CA5A: variants seen among roughly 807,000 people sequenced by gnomAD.
CA5A encodes the protein carbonic anhydrase 5A, mitochondrial.
Under a neutral mutation model 37.1 loss-of-function variants are expected in CA5A, and 28 were observed. The observed-to-expected ratio is 0.75, with a 90% CI of 0.56 to 1.03. The LOEUF (loss-of-function observed/expected upper bound fraction) is 1.03. CA5A is among the 50% of genes least tolerant of loss of function. The pLI is 0.00. For synonymous variants in CA5A, 171 were observed against 158.4 expected (o/e 1.08, Z -0.60); for missense variants, 444 against 399.9 (o/e 1.11, Z -0.94).
intron 2 of CA5A, among the ~76,000 whole-genome samples, chr16:87,909,586 G>A (rs62058265): frequency 1.3e-5 from 2 of 152,186 alleles, no homozygotes; most frequent in Non-Finnish European, 2.9e-5. Flanking sequence ...CGGGGCGCAC[G>A]CATTTCAGGA....
chr16:87,892,989 G>A, intron 5 of CA5A: 6 of 1,195,106 alleles, frequency 5.0e-6, no homozygotes, highest in Non-Finnish European at 6.1e-6. Flanking sequence ...GGCCAAGAAG[G>A]ATGTCCACAT....
At chr16:87,897,766 C>A (rs1433620678) in intron 5 of CA5A, among the ~76,000 whole-genome samples, 1 of 152,216 alleles carries the variant, frequency 6.6e-6, no homozygotes, top group Non-Finnish European at 1.5e-5. Flanking sequence ...GCAAGGCCTT[C>A]TCTGCCTCTC....
chr16:87,910,293 C>T (rs2056032312), intron 2 of CA5A, among the ~76,000 whole-genome samples: 2 of 152,316 alleles, frequency 1.3e-5, no homozygotes, highest in Middle Eastern at 3.4e-3. Flanking sequence ...GTTCGCTGGG[C>T]ACCTGCTACC....
chr16:87,898,981 C>T (rs1438004730), intron 5 of CA5A, among the ~76,000 whole-genome samples: 1 of 152,074 alleles, frequency 6.6e-6, no homozygotes, highest in African/African-American at 2.4e-5. Flanking sequence ...GTGATCTATT[C>T]ACCTCAGTCT....
chr16:87,908,989 A>ATTTTTTTTTT (rs60201296), intron 2 of CA5A, among the ~76,000 whole-genome samples: 24 of 139,350 alleles, frequency 1.7e-4, no homozygotes, highest in African/African-American at 6.5e-4. Flanking sequence ...ACACCCGGCT[A>ATTTTTTTTTT]TTTTTTTTTT....
chr16:87,894,988 G>C (rs1419196963), intron 5 of CA5A, among the ~76,000 whole-genome samples: 1 of 152,194 alleles, frequency 6.6e-6, no homozygotes, highest in Non-Finnish European at 1.5e-5. Flanking sequence ...AATGGATCAT[G>C]TCTGTAATCC....
chr16:87,893,365 G>T, intron 5 of CA5A: 1 of 423,820 alleles, frequency 2.4e-6, no homozygotes, highest in South Asian at 1.8e-5. Flanking sequence ...CTGACCTCGT[G>T]ATCTGCCCAC....
At chr16:87,888,480 T>G (rs551932258) in intron 6 of CA5A, among the ~76,000 whole-genome samples, 63 of 152,208 alleles carry the variant, frequency 4.1e-4, no homozygotes, top group African/African-American at 1.4e-3. Context: ...TCACTTGCTC[T>G]GGGGGGAAGC....
intron 3 of CA5A, among the ~76,000 whole-genome samples, chr16:87,903,632 G>A (rs190460867): frequency 3.1e-4 from 47 of 152,244 alleles, no homozygotes; most frequent in Admixed American, 3.9e-4. Context: ...TAAAATGTCC[G>A]GAGGTCACCT....
chr16:87,887,918 GCCA>G, downstream of CA5A: 1 of 595,202 alleles, frequency 1.7e-6, no homozygotes, highest in Non-Finnish European at 2.7e-6. Flanking sequence ...TGCGTTGGGT[GCCA>G]TGGCACACCC....
intron 5 of CA5A, among the ~76,000 whole-genome samples, chr16:87,900,735 T>C (rs2055866557): frequency 6.6e-6 from 1 of 152,230 alleles, no homozygotes; most frequent in African/African-American, 2.4e-5. Flanking sequence ...GGCAGGTTTC[T>C]CTCCGCCCTT....
At chr16:87,932,793 G>C (rs547890496) in intron 1 of CA5A, among the ~76,000 whole-genome samples, 12 of 152,182 alleles carry the variant, frequency 7.9e-5, no homozygotes, top group Admixed American at 2.0e-4. Flanking sequence ...TCAGTCTCCA[G>C]GTTTGATGGT....
At chr16:87,919,807 G>A (rs1278930720) in intron 2 of CA5A, among the ~76,000 whole-genome samples, 4 of 152,178 alleles carry the variant, frequency 2.6e-5, no homozygotes, top group African/African-American at 9.7e-5. Context: ...GGGGGCAGCG[G>A]CGGGTGGGAG....
chr16:87,892,590 T>C (rs1172251697), intron 5 of CA5A, among the ~76,000 whole-genome samples: 2 of 149,250 alleles, frequency 1.3e-5, no homozygotes, highest in Non-Finnish European at 3.0e-5. Flanking sequence ...AATAAAGCCA[T>C]TTCTTTTAGC....
chr16:87,929,613 C>G (rs2056368297), intron 1 of CA5A, among the ~76,000 whole-genome samples: 2 of 152,010 alleles, frequency 1.3e-5, no homozygotes, highest in South Asian at 2.1e-4. Flanking sequence ...TTGCTCACGC[C>G]TATAATCCCA....
intron 5 of CA5A, among the ~76,000 whole-genome samples, chr16:87,897,646 G>A (rs894932518): frequency 2.0e-5 from 3 of 152,240 alleles, no homozygotes; most frequent in Admixed American, 6.5e-5. Context: ...CTCAGCCTGG[G>A]TTCTGACTGC....
intron 1 of CA5A, among the ~76,000 whole-genome samples, chr16:87,932,222 A>C (rs6540113): frequency 0.18 from 26,910 of 151,962 alleles, 4,722 homozygotes; most frequent in African/African-American, 0.45. Context: ...CTCCAGTCCT[A>C]CCTGCCGGGC....
At chr16:87,930,388 G>A (rs1378950375) in intron 1 of CA5A, among the ~76,000 whole-genome samples, 1 of 152,124 alleles carries the variant, frequency 6.6e-6, no homozygotes, top group Non-Finnish European at 1.5e-5. Flanking sequence ...AGAGCTTCTG[G>A]CTGCTCCAGG....
rs191132622 is a variant in CA5A at position 87,903,165 on chromosome 16, G to C, written c.460-645C>G. Among the ~76,000 whole-genome samples, 407 of 152,274 alleles carry C rather than the reference G, an allele frequency of 2.7e-3. 2 individuals carry two copies. Among genetic ancestry groups the C allele is most frequent in the African/African-American group, 9.4e-3 (391 of 41,552 alleles). ...ACTCAGGCCTCGGCTGGGCGCGGTG[G>C]CTCACGCCTATAATCTCAGCACTCT... On this transcript the variant is annotated intron_variant, in intron 3 of 6. Coordinates refer to ENST00000649794, the MANE Select transcript of CA5A (RefSeq NM_001739.2).
Sources: gnomAD v4.1 joint callset for allele counts (sites outside exome capture counted in the v4.1 genomes callset) on GRCh38, gnomAD v4.1.1 for gene constraint, MANE v1.5 for transcripts, NCBI Gene and HGNC (gene_info 2026-07-23, HGNC 2026-07-21) for gene names.